The following KCNMA1 variants were observed in gnomAD, a reference collection of about 807,000 sequenced individuals.
The protein encoded by KCNMA1 is Calcium-activated potassium channel subunit alpha-1.
In KCNMA1, 29 loss-of-function variants were observed where a neutral mutation model predicts 140.0. The observed-to-expected ratio is 0.21, with a 90% confidence interval of 0.15 to 0.28. The LOEUF is 0.28. KCNMA1 is among the 10% of genes least tolerant of loss of function. The pLI is 1.00. For synonymous variants in KCNMA1, 612 were observed against 611.9 expected, an observed-to-expected ratio of 1.00 and a Z score of 0.00; for missense variants, 880 against 1,602.2, an observed-to-expected ratio of 0.55 and a Z score of 7.70.
At chr10:77,540,012 C>T (rs1461071782) in intron 1 of KCNMA1, among the ~76,000 whole-genome samples, 3 of 152,184 alleles carry the variant, frequency 2.0e-5, no homozygotes, top group African/African-American at 7.2e-5. Context: ...AAAACAACTC[C>T]TTCCAGCAAA....
At chr10:77,105,987 T>C (rs2097191049) in intron 9 of KCNMA1, among the ~76,000 whole-genome samples, 1 of 152,116 alleles carries the variant, frequency 6.6e-6, no homozygotes, top group South Asian at 2.1e-4. Flanking sequence ...ATCAATCTTG[T>C]TTTACTGACT....
rs201248629 is a variant in KCNMA1, at chr10:76,889,582, A to G, written c.3343-13T>C. The stretch of plus-strand genomic sequence containing the variant: ...AACAACCACCATCCTGGGAGACAGC[A>G]AAAGAACAGAGAGAAACATCCTTTT... On this transcript the variant is annotated splice_polypyrimidine_tract_variant and intron_variant, in intron 26 of 27. Coordinates refer to ENST00000286628, the MANE Select transcript of KCNMA1 (RefSeq NM_001161352.2). 1 of 1,566,332 alleles carries G rather than the reference A, an allele frequency of 6.4e-7. No homozygotes were observed. Among genetic ancestry groups the G allele is most frequent in the Non-Finnish European group, 8.8e-7 (1 of 1,136,362 alleles).
At chr10:77,413,598 G>A (rs1439209354) in intron 1 of KCNMA1, among the ~76,000 whole-genome samples, 1 of 152,108 alleles carries the variant, frequency 6.6e-6, no homozygotes, top group Non-Finnish European at 1.5e-5. Context: ...TGAGACTCAA[G>A]GACCAGAGAA....
chr10:77,530,216 A>G (rs1315778044), intron 1 of KCNMA1, among the ~76,000 whole-genome samples: 1 of 152,164 alleles, frequency 6.6e-6, no homozygotes, highest in Non-Finnish European at 1.5e-5. Context: ...CTGTTCCAAA[A>G]ACTCACTTCA....
At chr10:77,369,547 C>T (rs1193152965) in intron 2 of KCNMA1, among the ~76,000 whole-genome samples, 1 of 152,136 alleles carries the variant, frequency 6.6e-6, no homozygotes, top group Admixed American at 6.5e-5. Context: ...TATTGGAATC[C>T]TTTGAGGATA....
intron 2 of KCNMA1, among the ~76,000 whole-genome samples, chr10:77,319,280 C>A (rs181665416): frequency 1.8e-4 from 27 of 152,256 alleles, no homozygotes; most frequent in African/African-American, 6.5e-4. Context: ...CCACCCCATG[C>A]CATTGCTCCA....
chr10:77,185,689 G>A (rs749666401), intron 3 of KCNMA1, among the ~76,000 whole-genome samples: 7 of 151,176 alleles, frequency 4.6e-5, no homozygotes, highest in East Asian at 3.9e-4. Context: ...TTCAAGAGTC[G>A]CCAGTTCAAA....
At chr10:77,039,506 C>T (rs1326101709) in intron 15 of KCNMA1, 22 bp downstream of exon 15, 1 of 1,355,500 alleles carries the variant, frequency 7.4e-7, no homozygotes, top group Admixed American at 1.7e-5. Flanking sequence ...AGCCAAAGAG[C>T]ATCCAGTTAA....
At chr10:77,579,930 A>T (rs1469954884) in intron 1 of KCNMA1, among the ~76,000 whole-genome samples, 4 of 152,188 alleles carry the variant, frequency 2.6e-5, no homozygotes, top group African/African-American at 7.2e-5. Context: ...CCAAATTTGA[A>T]TTTGGATAAC....
At chr10:77,315,441 T>C (rs1039461043) in intron 2 of KCNMA1, 2 of 152,204 alleles carry the variant, frequency 1.3e-5, no homozygotes, top group East Asian at 3.9e-4. Context: ...CCATCTTGTG[T>C]TTGTTTCCTC....
At chr10:77,119,044 C>CA (rs2097541308) in intron 6 of KCNMA1, among the ~76,000 whole-genome samples, 1 of 152,186 alleles carries the variant, frequency 6.6e-6, no homozygotes, top group African/African-American at 2.4e-5. Flanking sequence ...GGCAGATGCC[C>CA]AGACAGCCTT....
At chr10:77,362,327 C>T (rs1348599731) in intron 2 of KCNMA1, among the ~76,000 whole-genome samples, 2 of 134,514 alleles carry the variant, frequency 1.5e-5, no homozygotes, top group African/African-American at 6.1e-5. Context: ...CTAAATACCA[C>T]CAGCCCCCAC....
chr10:77,331,643 A>T (rs11002125), intron 2 of KCNMA1, among the ~76,000 whole-genome samples: 39,210 of 105,810 alleles, frequency 0.37, 6,434 homozygotes, highest in Non-Finnish European at 0.44. Flanking sequence ...GTCTCTACAA[A>T]ACCTTTAAAA....
In KCNMA1 at chr10:77,117,092, T is replaced by C. The variant is rs557523287; in HGVS notation, c.884+3881A>G. Among the ~76,000 whole-genome samples, 28 of 152,322 alleles carry C rather than the reference T, an allele frequency of 1.8e-4. 1 individual carries two copies. Among genetic ancestry groups the C allele is most frequent in the African/African-American group, 6.7e-4 (28 of 41,584 alleles). On this transcript the variant is annotated intron_variant, in intron 6 of 27. Transcript: ENST00000286628. ...GCCTCCCAAAACCATATTGGTTAGG[T>C]ACACGATGACTCATGCATATCATGG... is the stretch of plus-strand genomic sequence containing the variant.
chr10:77,455,653 C>T (rs993449776), intron 1 of KCNMA1, among the ~76,000 whole-genome samples: 1 of 152,146 alleles, frequency 6.6e-6, no homozygotes, highest in African/African-American at 2.4e-5. Context: ...CCACTACTCC[C>T]GGTTCCCCTC....
intron 1 of KCNMA1, among the ~76,000 whole-genome samples, chr10:77,595,071 C>T (rs991923305): frequency 4.6e-5 from 7 of 152,234 alleles, no homozygotes; most frequent in African/African-American, 9.6e-5. Flanking sequence ...AGTGGTCGGG[C>T]GCAGTAGCTC....
intron 5 of KCNMA1, among the ~76,000 whole-genome samples, chr10:77,160,451 A>C (rs985194545): frequency 9.2e-5 from 14 of 152,226 alleles, no homozygotes; most frequent in Non-Finnish European, 1.9e-4. Context: ...AGCATATACT[A>C]CATGTGGTTC....
intron 2 of KCNMA1, among the ~76,000 whole-genome samples, chr10:77,384,182 T>C (rs992009176): frequency 2.6e-5 from 4 of 152,166 alleles, no homozygotes; most frequent in Admixed American, 6.5e-5. Context: ...GTGGAGCAAA[T>C]ACCGTGCCTC....
intron 14 of KCNMA1, among the ~76,000 whole-genome samples, chr10:77,066,545 C>G (rs1595152223): frequency 6.6e-6 from 1 of 152,112 alleles, no homozygotes; most frequent in East Asian, 1.9e-4. Flanking sequence ...AGGTGTTGAG[C>G]AGCAGTTGAA....
Sources: allele counts gnomAD v4.1 joint callset (sites outside exome capture counted in the v4.1 genomes callset), GRCh38; gene constraint gnomAD v4.1.1; transcripts MANE v1.5; gene names NCBI Gene and HGNC (gene_info 2026-07-23, HGNC 2026-07-21).